SCD5: variants seen among roughly 807,000 people sequenced by gnomAD.
SCD5 encodes acyl-CoA-desaturase 4.
In SCD5, 20 loss-of-function variants were observed where a neutral mutation model predicts 30.4. That is an observed-to-expected ratio of 0.66 (90% confidence interval 0.46 to 0.96). The LOEUF (loss-of-function observed/expected upper bound fraction) is 0.96. Ranked by LOEUF, SCD5 falls within the 40% of genes least tolerant of loss-of-function variation. The pLI is 0.00. For synonymous variants in SCD5, 173 were observed against 176.4 expected (o/e 0.98, Z 0.16); for missense variants, 381 against 443.3 (o/e 0.86, Z 1.26).
chr4:82,760,327 C>T (rs1472645906), intron 1 of SCD5, among the ~76,000 whole-genome samples: 1 of 152,136 alleles, frequency 6.6e-6, no homozygotes, highest in Non-Finnish European at 1.5e-5. Context: ...TAAGTCTGCT[C>T]CTTTCCCCTG....
intron 1 of SCD5, among the ~76,000 whole-genome samples, chr4:82,721,500 T>A (rs191487625): frequency 6.6e-6 from 1 of 152,070 alleles, no homozygotes; most frequent in Non-Finnish European, 1.5e-5. Flanking sequence ...GACGTGGAGG[T>A]AGGGTGTTTA....
intron 1 of SCD5, among the ~76,000 whole-genome samples, chr4:82,732,563 G>A (rs576540658): frequency 6.6e-5 from 10 of 152,320 alleles, no homozygotes; most frequent in South Asian, 2.1e-4. Context: ...GAAAGCAGGC[G>A]TCCTGTCCAA....
intron 1 of SCD5, among the ~76,000 whole-genome samples, chr4:82,790,335 C>A (rs1722075402): frequency 2.6e-5 from 4 of 152,220 alleles, no homozygotes; most frequent in Admixed American, 2.6e-4. Flanking sequence ...TCTGCTAAAT[C>A]TTTTCACCAC....
At chr4:82,763,615 C>T (rs1721425279) in intron 1 of SCD5, among the ~76,000 whole-genome samples, 1 of 152,190 alleles carries the variant, frequency 6.6e-6, no homozygotes, top group Non-Finnish European at 1.5e-5. Context: ...AATGTGGACA[C>T]CCAGAGGAGA....
chr4:82,660,911 G>C, intron 3 of SCD5: 2 of 1,613,872 alleles, frequency 1.2e-6, no homozygotes, highest in East Asian at 2.2e-5. Context: ...AGAGCACGCA[G>C]CATCAAGCAG....
chr4:82,664,999 C>A (rs3972724), intron 3 of SCD5, among the ~76,000 whole-genome samples: 42,140 of 69,286 alleles, frequency 0.61, 13,134 homozygotes, highest in Middle Eastern at 0.7. Flanking sequence ...CTCTCTCTCT[C>A]TATATATATA....
intron 1 of SCD5, among the ~76,000 whole-genome samples, chr4:82,716,542 G>A (rs1295794132): frequency 6.6e-6 from 1 of 151,830 alleles, no homozygotes; most frequent in African/African-American, 2.4e-5. Flanking sequence ...GCCTGGGCGT[G>A]GTGGCTCATG....
chr4:82,783,027 AACAC>A (rs1398449991), intron 1 of SCD5, among the ~76,000 whole-genome samples: 1 of 152,250 alleles, frequency 6.6e-6, no homozygotes, highest in East Asian at 1.9e-4. Context: ...AACCACCAGC[AACAC>A]TTGATAAAAT....
rs546760842 is a variant in SCD5 at position 82,727,345 on chromosome 4, C to T, written c.233-21932G>A. 5.3e-5 allele frequency among the ~76,000 whole-genome samples: 8 copies of T among 152,258 alleles called. No individual in the cohort carries two copies. The South Asian group carries it at 1.7e-3, about 32-fold the overall frequency. On this transcript the variant is annotated intron_variant, in intron 1 of 4. Coordinates refer to ENST00000319540, the MANE Select transcript of SCD5 (RefSeq NM_001037582.3). ...TATGTATGCTCCTTAAAGGTGTGTA[C>T]CCTGGTCTACCCTTGTGGAGTTAAA...
At chr4:82,694,628 C>T (rs1253560290) in intron 2 of SCD5, among the ~76,000 whole-genome samples, 3 of 151,970 alleles carry the variant, frequency 2.0e-5, no homozygotes, top group Admixed American at 6.5e-5. Context: ...TTTGTACCCC[C>T]ACCATGTGGC....
At chr4:82,786,006 A>G (rs997117794) in intron 1 of SCD5, among the ~76,000 whole-genome samples, 1 of 152,218 alleles carries the variant, frequency 6.6e-6, no homozygotes, top group African/African-American at 2.4e-5. Flanking sequence ...CGGGACAATT[A>G]CATTTTAGAA....
intron 2 of SCD5, among the ~76,000 whole-genome samples, chr4:82,683,985 G>C (rs548142226): frequency 6.6e-6 from 1 of 152,284 alleles, no homozygotes; most frequent in South Asian, 2.1e-4. Context: ...ACTAATACAT[G>C]GCTGTTTAAT....
chr4:82,762,407 G>GCACAAAAAAAAAAA (rs1257470159), intron 1 of SCD5, among the ~76,000 whole-genome samples: 1 of 151,768 alleles, frequency 6.6e-6, no homozygotes, highest in Admixed American at 6.6e-5. Context: ...CACACCCCAG[G>GCACAAAAAAAAAAA]TATTTTTGTA....
intron 1 of SCD5, among the ~76,000 whole-genome samples, chr4:82,737,037 G>A (rs991234242): frequency 6.6e-6 from 1 of 151,902 alleles, no homozygotes; most frequent in Non-Finnish European, 1.5e-5. Context: ...TGTTTCTCCA[G>A]GATGTAGTCT....
intron 1 of SCD5, among the ~76,000 whole-genome samples, chr4:82,748,777 C>T (rs1721044049): frequency 6.6e-6 from 1 of 152,150 alleles, no homozygotes; most frequent in South Asian, 2.1e-4. Flanking sequence ...CAGTAGACTG[C>T]AGAACTGGTC....
intron 3 of SCD5, among the ~76,000 whole-genome samples, chr4:82,674,090 G>A (rs967606080): frequency 1.3e-5 from 2 of 152,082 alleles, no homozygotes; most frequent in African/African-American, 4.8e-5. Flanking sequence ...CTCTGGGTTT[G>A]ACAATTTATA....
At chr4:82,702,071 G>C (rs1168123502) in intron 2 of SCD5, among the ~76,000 whole-genome samples, 1 of 149,742 alleles carries the variant, frequency 6.7e-6, no homozygotes, top group Middle Eastern at 3.5e-3. Context: ...AAGCGTTCAG[G>C]TTCAGAGGGG....
At chr4:82,753,713 T>A (rs575157178) in intron 1 of SCD5, among the ~76,000 whole-genome samples, 1 of 152,258 alleles carries the variant, frequency 6.6e-6, no homozygotes, top group East Asian at 1.9e-4. Flanking sequence ...AATGCATCCA[T>A]ATTTGCCTCC....
At chr4:82,663,639 G>A (rs562709573) in intron 3 of SCD5, among the ~76,000 whole-genome samples, 64 of 152,310 alleles carry the variant, frequency 4.2e-4, no homozygotes, top group Non-Finnish European at 6.6e-4. Context: ...CATGCTTACC[G>A]TTCCAATAAT....
Sources: allele counts gnomAD v4.1 joint callset (sites outside exome capture counted in the v4.1 genomes callset), GRCh38; gene constraint gnomAD v4.1.1; transcripts MANE v1.5; gene names NCBI Gene and HGNC (gene_info 2026-07-23, HGNC 2026-07-21).